Variants in TAX1BP1 observed in about 807,000 individuals in gnomAD.
TAX1BP1 encodes tax1-binding protein 1.
Under a neutral mutation model 97.7 loss-of-function variants are expected in TAX1BP1, and 62 were observed. That is an observed-to-expected ratio of 0.63 (90% CI 0.52 to 0.78). The LOEUF is 0.78. Among genes scored for constraint, TAX1BP1 ranks in the 30% least tolerant of loss-of-function variants. The probability of loss-of-function intolerance (pLI) is 0.00; values close to 1 mark genes in which losing one functional copy is unlikely to be tolerated. For synonymous variants in TAX1BP1, 340 were observed against 304.2 expected (o/e 1.12, Z -1.23); for missense variants, 867 against 916.1 (o/e 0.95, Z 0.69).
chr7:27,792,251 A>G (rs368291402), intron 9 of TAX1BP1, 21 bp downstream of exon 9: 2 of 1,568,512 alleles, frequency 1.3e-6, no homozygotes, highest in African/African-American at 2.7e-5. Flanking sequence ...TTAATTTTGA[A>G]TTTGCATTTT....
chr7:27,801,013 A>T (rs1468989888), intron 13 of TAX1BP1, among the ~76,000 whole-genome samples: 1 of 151,172 alleles, frequency 6.6e-6, no homozygotes, highest in Admixed American at 6.6e-5. Flanking sequence ...CTGAGGCAGG[A>T]GAATCGCTTG....
intron 1 of TAX1BP1, among the ~76,000 whole-genome samples, chr7:27,741,148 CT>C (rs895436578): frequency 1.4e-4 from 21 of 152,146 alleles, no homozygotes; most frequent in African/African-American, 5.1e-4. Flanking sequence ...TTATGTTAGG[CT>C]TTAGATGGGA....
chr7:27,824,484 G>A (rs1268840649), intron 15 of TAX1BP1, among the ~76,000 whole-genome samples: 2 of 145,028 alleles, frequency 1.4e-5, no homozygotes, highest in Admixed American at 7.2e-5. Flanking sequence ...AGTCCAGGAG[G>A]TCATGGCTGC....
chr7:27,825,491 A>G (rs1385183972), intron 15 of TAX1BP1, among the ~76,000 whole-genome samples: 1 of 152,144 alleles, frequency 6.6e-6, no homozygotes, highest in Non-Finnish European at 1.5e-5. Context: ...TAGATGGTTC[A>G]TGTTTTATTT....
Position 27,805,202 on chromosome 7 carries a change from A to G in TAX1BP1, c.1764+5112A>G, listed in dbSNP as rs555389093. Among the ~76,000 whole-genome samples, 89 of 152,316 alleles carry G rather than the reference A, an allele frequency of 5.8e-4. 2 individuals are homozygous for G. In the South Asian group the frequency reaches 0.018, roughly 30 times the overall value. On this transcript the variant is annotated intron_variant, in intron 13 of 16. Transcript: ENST00000396319. ...TAATCAGGCTTTCTAATTTTTGCATATGGGAGAGATTAGGAATAGTACCTT... is the reference window on the plus strand; with the variant it reads ...TAATCAGGCTTTCTAATTTTTGCATGTGGGAGAGATTAGGAATAGTACCTT...
chr7:27,757,286 G>A (rs1788256978), intron 2 of TAX1BP1, among the ~76,000 whole-genome samples: 1 of 152,080 alleles, frequency 6.6e-6, no homozygotes, highest in African/African-American at 2.4e-5. Flanking sequence ...ATTGAGGTAT[G>A]TATATATTCA....
intron 13 of TAX1BP1, among the ~76,000 whole-genome samples, chr7:27,811,007 A>C (rs763489438): frequency 9.9e-5 from 15 of 152,018 alleles, no homozygotes; most frequent in Non-Finnish European, 1.6e-4. Context: ...TCTATACGAG[A>C]CCACTTACCA....
intron 12 of TAX1BP1, among the ~76,000 whole-genome samples, chr7:27,798,136 G>T (rs1246354975): frequency 6.6e-6 from 1 of 151,978 alleles, no homozygotes; most frequent in African/African-American, 2.4e-5. Context: ...CTTTCAGCAT[G>T]ATTATTTGAG....
At chr7:27,813,145 C>CTTTT (rs57301512) in intron 13 of TAX1BP1, among the ~76,000 whole-genome samples, 89 of 108,934 alleles carry the variant, frequency 8.2e-4, no homozygotes, top group Middle Eastern at 5.8e-3. Flanking sequence ...CTTTGTTCTG[C>CTTTT]TTTTTTTTTT....
intron 15 of TAX1BP1, among the ~76,000 whole-genome samples, chr7:27,822,319 C>T (rs996241174): frequency 6.6e-6 from 1 of 152,054 alleles, no homozygotes; most frequent in Non-Finnish European, 1.5e-5. Flanking sequence ...GTTTTCATAC[C>T]TTTTTACTTC....
chr7:27,798,066 G>A (rs1310117028), intron 12 of TAX1BP1, among the ~76,000 whole-genome samples: 2 of 151,932 alleles, frequency 1.3e-5, no homozygotes, highest in African/African-American at 4.8e-5. Context: ...CTATCAATTA[G>A]CCTACCTTTT....
intron 15 of TAX1BP1, 131 bp downstream of exon 15, chr7:27,817,169 G>T (rs1250238416): frequency 9.0e-6 from 10 of 1,115,322 alleles, no homozygotes; most frequent in Non-Finnish European, 1.2e-5. Context: ...GTGTGTGCTT[G>T]TGCCTGCACA....
Position 27,765,911 on chromosome 7 carries a change from A to G in TAX1BP1, c.343A>G (p.Ser115Gly). 1 of 1,614,204 alleles carries G rather than the reference A, an allele frequency of 6.2e-7. No homozygotes were observed. The highest frequency in any genetic ancestry group is 8.5e-7 in the Non-Finnish European group (1 of 1,180,038). The change falls in exon 4 of 17, where the codon AGT becomes GGT. Residue 115 changes from serine to glycine, a missense_variant. Physicochemically the swap from Ser to Gly is moderately conservative, Grantham distance 56. Transcript: ENST00000396319. ...CCATAAGGGTGAAATTCGTGGAGCA[A>G]GTACACCTTTCCAGTTTCGAGCTTC... ...VTHKGEIRGA[S>G]TPFQFRASSP...
intron 3 of TAX1BP1, among the ~76,000 whole-genome samples, chr7:27,764,144 TTAACAGTG>T: frequency 6.6e-6 from 1 of 152,342 alleles, no homozygotes; most frequent in South Asian, 2.1e-4. Flanking sequence ...AACCAATAGT[TTAACAGTG>T]GTACAGTACT....
chr7:27,754,101 T>C (rs984709932), intron 2 of TAX1BP1, among the ~76,000 whole-genome samples: 9 of 152,152 alleles, frequency 5.9e-5, no homozygotes, highest in Non-Finnish European at 1.3e-4. Context: ...TGTCCTATAC[T>C]AGACAAACAA....
intron 3 of TAX1BP1, 116 bp from the exon 4 acceptor site, chr7:27,765,718 C>G: frequency 1.1e-6 from 1 of 891,624 alleles, no homozygotes; most frequent in South Asian, 1.8e-5. Context: ...AGGACATATC[C>G]CAGATTCTTG....
intron 8 of TAX1BP1, among the ~76,000 whole-genome samples, chr7:27,788,589 A>T (rs1397429109): frequency 2.6e-5 from 4 of 151,992 alleles, no homozygotes; most frequent in Non-Finnish European, 4.4e-5. Context: ...CCTCTTTTTT[A>T]AATATAACTT....
At chr7:27,760,681 G>A (rs534002845) in intron 3 of TAX1BP1, among the ~76,000 whole-genome samples, 13 of 152,240 alleles carry the variant, frequency 8.5e-5, no homozygotes, top group African/African-American at 2.9e-4. Context: ...GGCATGAGCC[G>A]CCGCACCTGG....
chr7:27,772,021 T>C (rs1187194923), intron 5 of TAX1BP1: 1 of 152,072 alleles, frequency 6.6e-6, no homozygotes, highest in Non-Finnish European at 1.5e-5. Context: ...AAAAGTATAA[T>C]GGATACATAA....
Sources: gnomAD v4.1 joint callset for allele counts (sites outside exome capture counted in the v4.1 genomes callset) on GRCh38, gnomAD v4.1.1 for gene constraint, MANE v1.5 for transcripts, NCBI Gene and HGNC (gene_info 2026-07-23, HGNC 2026-07-21) for gene names.